The following CAMTA1 variants were observed in gnomAD, a reference collection of about 807,000 sequenced individuals.
CAMTA1 encodes calmodulin-binding transcription activator 1.
A neutral mutation model predicts 170.9 loss-of-function variants in CAMTA1; 27 were observed. The ratio of observed to expected loss-of-function variants is 0.16; its 90% confidence interval spans 0.12 to 0.22. CAMTA1 has a LOEUF of 0.22. Among genes scored for constraint, CAMTA1 ranks in the 10% least tolerant of loss-of-function variants. The pLI is 1.00. For synonymous variants in CAMTA1, 833 were observed against 891.5 expected (o/e 0.93, Z 1.17); for missense variants, 1,619 against 2,217.2 (o/e 0.73, Z 5.42).
chr1:7,276,303 A>ATATATAATTTTT, intron 5 of CAMTA1, among the ~76,000 whole-genome samples: 1 of 24,232 alleles, frequency 4.1e-5, no homozygotes, highest in African/African-American at 3.0e-4. Context: ...ATATATATAT[A>ATATATAATTTTT]TTTTTTTTTT....
intron 7 of CAMTA1, among the ~76,000 whole-genome samples, chr1:7,656,316 C>T (rs1362519161): frequency 6.6e-6 from 1 of 152,184 alleles, no homozygotes. Context: ...CTGGTAGGGC[C>T]TCTCTTCCTG....
intron 5 of CAMTA1, among the ~76,000 whole-genome samples, chr1:7,310,604 C>CTTTTCT (rs200558324): frequency 1.4e-3 from 13 of 9,578 alleles, no homozygotes; most frequent in African/African-American, 3.6e-3. Flanking sequence ...CTTTTCTTTT[C>CTTTTCT]TTTCTTTCTT....
intron 11 of CAMTA1, among the ~76,000 whole-genome samples, chr1:7,712,361 C>A (rs989972177): frequency 6.6e-6 from 1 of 151,612 alleles, no homozygotes; most frequent in Non-Finnish European, 1.5e-5. Flanking sequence ...GACTCTGATG[C>A]CCAGGCCGAA....
intron 3 of CAMTA1, among the ~76,000 whole-genome samples, chr1:6,958,375 C>T (rs1005226224): frequency 2.0e-5 from 3 of 152,206 alleles, no homozygotes; most frequent in African/African-American, 7.2e-5. Context: ...GCGTCTCATC[C>T]GCAGCCCCGG....
At chr1:7,526,334 C>A (rs923427447) in intron 6 of CAMTA1, among the ~76,000 whole-genome samples, 7 of 152,240 alleles carry the variant, frequency 4.6e-5, no homozygotes, top group African/African-American at 7.2e-5. Context: ...TGCACCAAAG[C>A]CCCAGGCCCA....
chr1:7,289,588 C>T (rs1337148260), intron 5 of CAMTA1, among the ~76,000 whole-genome samples: 2 of 152,166 alleles, frequency 1.3e-5, no homozygotes, highest in East Asian at 3.9e-4. Context: ...CCACCCTGAA[C>T]CTCAGAATGT....
At chr1:7,698,978 G>A (rs1353573770) in intron 11 of CAMTA1, 1 of 152,208 alleles carries the variant, frequency 6.6e-6, no homozygotes, top group Non-Finnish European at 1.5e-5. Flanking sequence ...TGGGAGGATC[G>A]GCCATCAGAC....
intron 3 of CAMTA1, among the ~76,000 whole-genome samples, chr1:7,038,804 C>A (rs1704010462): frequency 6.6e-6 from 1 of 152,168 alleles, no homozygotes; most frequent in Non-Finnish European, 1.5e-5. Context: ...CTTTGGGAGG[C>A]CGAGGTGGGC....
chr1:7,174,949 T>G (rs1650470195), intron 4 of CAMTA1, among the ~76,000 whole-genome samples: 1 of 152,156 alleles, frequency 6.6e-6, no homozygotes. Context: ...TTCCCCAGGA[T>G]TAGGGAGCAG....
In CAMTA1 at chr1:6,815,065, A is replaced by G. The variant is rs979257566; in HGVS notation, c.46-5116A>G. Among the ~76,000 whole-genome samples the G allele has an allele frequency of 3.3e-5, 5 of 152,298 alleles. No individual in the cohort carries two copies. In the South Asian group the frequency reaches 6.2e-4, roughly 19 times the overall value. On this transcript the variant is annotated intron_variant, in intron 1 of 22. Transcript: ENST00000303635. ...GTAGTTACTGAATTTCCATACTGCTATCATCTGTCCCTTGTTTTAACCTTT... is the reference window on the plus strand; with the variant it reads ...GTAGTTACTGAATTTCCATACTGCTGTCATCTGTCCCTTGTTTTAACCTTT...
intron 3 of CAMTA1, among the ~76,000 whole-genome samples, chr1:6,839,732 G>T (rs1451453068): frequency 6.6e-6 from 1 of 152,148 alleles, no homozygotes; most frequent in Admixed American, 6.5e-5. Flanking sequence ...GTATCTGGGG[G>T]AGGAATATTC....
At position 7,738,516 on chromosome 1, in the gene CAMTA1, C is replaced by T. The variant is rs759162284; in HGVS notation, c.4182+34C>T. 1 of 1,591,094 alleles carries T rather than the reference C, an allele frequency of 6.3e-7. No individual in the cohort carries two copies. Among genetic ancestry groups the T allele is most frequent in the Non-Finnish European group, 8.6e-7 (1 of 1,166,406 alleles). ...CAGGGACAGGGTAAGCCCGCAGAGG[C>T]TGGTGCGTTCCAGTTGCTGTGATCT... On this transcript the variant is annotated intron_variant, in intron 16 of 22. Transcript: ENST00000303635. The surrounding 1 kb of genome is among the most constrained non-coding windows in gnomAD (Gnocchi z 4.9).
chr1:6,847,869 A>T (rs557476556), intron 3 of CAMTA1, among the ~76,000 whole-genome samples: 2 of 139,356 alleles, frequency 1.4e-5, no homozygotes, highest in Non-Finnish European at 3.1e-5. Flanking sequence ...CACCCAGCTA[A>T]TTTTTTTTTT....
chr1:7,486,173 G>T (rs1176458539), intron 6 of CAMTA1, among the ~76,000 whole-genome samples: 1 of 152,194 alleles, frequency 6.6e-6, no homozygotes, highest in African/African-American at 2.4e-5. Flanking sequence ...TAGGTGTTCA[G>T]ATTTTGTCCT....
At chr1:7,310,650 T>TCTTTCTTTC (rs1676415158) in intron 5 of CAMTA1, among the ~76,000 whole-genome samples, 4 of 61,840 alleles carry the variant, frequency 6.5e-5, no homozygotes, top group African/African-American at 3.5e-4. Flanking sequence ...CTTTCTTTTT[T>TCTTTCTTTC]CTTTCTTTCT....
chr1:6,896,080 A>C (rs1399926003), intron 3 of CAMTA1, among the ~76,000 whole-genome samples: 1 of 152,138 alleles, frequency 6.6e-6, no homozygotes, highest in Non-Finnish European at 1.5e-5. Context: ...ACTTGGTGGA[A>C]CTAGCTGCCT....
Position 7,482,151 on chromosome 1 carries a change from C to T in CAMTA1, c.510+14250C>T, listed in dbSNP as rs969487942. Among the ~76,000 whole-genome samples, 14 of 152,298 alleles carry T rather than the reference C, an allele frequency of 9.2e-5. No individual in the cohort carries two copies. The highest frequency in any genetic ancestry group is 3.4e-4 in the African/African-American group (14 of 41,562). On this transcript the variant is annotated intron_variant, in intron 6 of 22. Coordinates refer to ENST00000303635, the MANE Select transcript of CAMTA1 (RefSeq NM_015215.4). This position sits in a 1 kb window ranked among gnomAD's most constrained non-coding sequence, Gnocchi z 4.2. Reference sequence around the variant, plus strand: ...TTTGCCATTCATCATGTTGCTACTGCCTACTGTGTTATTTATGCCTTGTCT... The same window carrying T: ...TTTGCCATTCATCATGTTGCTACTGTCTACTGTGTTATTTATGCCTTGTCT...
At chr1:6,828,522 C>G (rs1282448564) in intron 3 of CAMTA1, among the ~76,000 whole-genome samples, 1 of 151,966 alleles carries the variant, frequency 6.6e-6, no homozygotes, top group East Asian at 1.9e-4. Context: ...CATCTCTTGA[C>G]CTTGTGATCC....
intron 7 of CAMTA1, among the ~76,000 whole-genome samples, chr1:7,650,533 C>T (rs371720947): frequency 4.6e-5 from 7 of 152,208 alleles, no homozygotes; most frequent in Admixed American, 6.5e-5. Flanking sequence ...CCTCCACCCC[C>T]GCCTTTTCCA....
Sources: allele counts gnomAD v4.1 joint callset (sites outside exome capture counted in the v4.1 genomes callset), GRCh38; gene constraint gnomAD v4.1.1; non-coding constraint Gnocchi (gnomAD v3.1); transcripts MANE v1.5; gene names NCBI Gene and HGNC (gene_info 2026-07-23, HGNC 2026-07-21).